The following SYT10 variants were observed in gnomAD, a reference collection of about 807,000 sequenced individuals.
SYT10 encodes synaptotagmin 10.
In SYT10, 31 loss-of-function variants were observed where a neutral mutation model predicts 51.1. That is an observed-to-expected ratio of 0.61 (90% CI 0.46 to 0.82). The LOEUF (loss-of-function observed/expected upper bound fraction) is 0.82, where lower values mean the gene tolerates loss of function less well. Among genes scored for constraint, SYT10 ranks in the 40% least tolerant of loss-of-function variants. The pLI, the probability that SYT10 is intolerant of heterozygous loss-of-function variation, is 0.00. For missense variants in SYT10, 603 were observed against 634.0 expected (o/e 0.95, Z 0.53); for synonymous variants, 233 against 225.9 (o/e 1.03, Z -0.28).
intron 1 of SYT10, among the ~76,000 whole-genome samples, chr12:33,430,168 A>G (rs142957176): frequency 6.6e-6 from 1 of 152,236 alleles, no homozygotes; most frequent in Non-Finnish European, 1.5e-5. Flanking sequence ...ATGCATAAAC[A>G]TTATTCTGCC....
In SYT10 at chr12:33,382,329, G is replaced by A; in HGVS notation, c.1370+20C>T. 6.5e-7 allele frequency: 1 copy of A among 1,532,442 alleles called. No individual in the cohort carries two copies. The highest frequency in any genetic ancestry group is 8.8e-7 in the Non-Finnish European group (1 of 1,141,714). The allele number at this position is 1,532,442 out of a possible 1,614,324, so 94.9% of individuals were successfully genotyped here. A position where few individuals can be genotyped will look rare whatever the true frequency, so the allele number is the denominator to read the frequency against. ...TGACTAGACATGGCTGCTCTTCAGT[G>A]AGAAGAGAGATACACATACCTATCG... On this transcript the variant is annotated intron_variant, in intron 5 of 6. Coordinates refer to ENST00000228567, the MANE Select transcript of SYT10 (RefSeq NM_198992.4).
intron 3 of SYT10, among the ~76,000 whole-genome samples, chr12:33,393,921 T>C (rs1227013455): frequency 2.0e-5 from 3 of 152,246 alleles, no homozygotes; most frequent in Admixed American, 2.0e-4. Context: ...TTTTCTAGAA[T>C]GTTGGCCTTA....
At position 33,391,071 on chromosome 12, in the gene SYT10, G is replaced by T. The variant is rs560580341; in HGVS notation, c.1078-5780C>A. Among the ~76,000 whole-genome samples the T allele has an allele frequency of 1.3e-4, 20 of 152,094 alleles. No homozygotes were observed. In the East Asian group the frequency reaches 2.3e-3, roughly 18 times the overall value. ...CCTGCCTCAGCCTCCTGAGTAGCTG[G>T]GATTACAGGCACATGCCACCAAGCC... On this transcript the variant is annotated intron_variant, in intron 3 of 6. Coordinates refer to ENST00000228567, the MANE Select transcript of SYT10 (RefSeq NM_198992.4).
intron 2 of SYT10, chr12:33,423,950 G>A (rs1429279368): frequency 4.4e-6 from 2 of 455,676 alleles, no homozygotes; most frequent in Non-Finnish European, 8.8e-6. Flanking sequence ...AGGGTGCCTT[G>A]GCATAGTGAC....
chr12:33,431,042 G>T (rs1402037407), intron 1 of SYT10, among the ~76,000 whole-genome samples: 6 of 152,254 alleles, frequency 3.9e-5, no homozygotes, highest in Non-Finnish European at 7.4e-5. Context: ...AAGGTGCCTG[G>T]AATTCTGGTT....
At chr12:33,396,049 AAG>A (rs1866253367) in intron 3 of SYT10, among the ~76,000 whole-genome samples, 1 of 152,170 alleles carries the variant, frequency 6.6e-6, no homozygotes, top group African/African-American at 2.4e-5. Flanking sequence ...AAACTATAAA[AAG>A]AAAGGATTAA....
chr12:33,416,610 ACTC>A (rs1287984420), intron 2 of SYT10, among the ~76,000 whole-genome samples: 2 of 151,888 alleles, frequency 1.3e-5, no homozygotes, highest in African/African-American at 2.4e-5. Flanking sequence ...GGTTCAATGA[ACTC>A]CTCTCTTCCA....
intron 2 of SYT10, among the ~76,000 whole-genome samples, chr12:33,418,832 G>A (rs1411393991): frequency 1.3e-5 from 2 of 152,110 alleles, no homozygotes; most frequent in South Asian, 2.1e-4. Context: ...CTATCCATGT[G>A]CCTTCCTCAA....
At chr12:33,399,485 C>T (rs982747580) in intron 3 of SYT10, among the ~76,000 whole-genome samples, 7 of 152,054 alleles carry the variant, frequency 4.6e-5, no homozygotes, top group Admixed American at 1.3e-4. Context: ...ATTTTATAGC[C>T]GCTTACCTAC....
chr12:33,381,291 T>G (rs1306959690), intron 5 of SYT10, among the ~76,000 whole-genome samples: 1 of 151,828 alleles, frequency 6.6e-6, no homozygotes, highest in Non-Finnish European at 1.5e-5. Flanking sequence ...TTTCAGTGTT[T>G]CCCCCCCTAG....
At chr12:33,399,429 TC>T (rs531146036) in intron 3 of SYT10, among the ~76,000 whole-genome samples, 136 of 152,336 alleles carry the variant, frequency 8.9e-4, no homozygotes, top group African/African-American at 3.2e-3. Flanking sequence ...AGGAAGCTGC[TC>T]TTTAAACTGC....
intron 1 of SYT10, among the ~76,000 whole-genome samples, chr12:33,434,398 C>A (rs770264196): frequency 2.0e-5 from 3 of 152,126 alleles, no homozygotes; most frequent in Non-Finnish European, 2.9e-5. Flanking sequence ...CAGATGTATA[C>A]AATTTAGTTG....
intron 1 of SYT10, among the ~76,000 whole-genome samples, chr12:33,429,481 A>T (rs549419886): frequency 6.6e-6 from 1 of 152,234 alleles, no homozygotes; most frequent in East Asian, 1.9e-4. Flanking sequence ...TTGGAGACCA[A>T]TAAAGTGATA....
At chr12:33,439,107 G>GGCTGGGAGCGGGAGACGGC (rs1866661702) in intron 1 of SYT10, among the ~76,000 whole-genome samples, 1 of 152,264 alleles carries the variant, frequency 6.6e-6, no homozygotes, top group Non-Finnish European at 1.5e-5. Context: ...GGCGCGGCGA[G>GGCTGGGAGCGGGAGACGGC]GCTGGGAGCG....
chr12:33,396,534 T>C (rs922635447), intron 3 of SYT10, among the ~76,000 whole-genome samples: 6 of 152,276 alleles, frequency 3.9e-5, no homozygotes, highest in Admixed American at 2.0e-4. Context: ...GGTAAGAAAC[T>C]GGGAACATAA....
At chr12:33,379,600 C>T (rs1241179959) in intron 6 of SYT10, among the ~76,000 whole-genome samples, 1 of 116,398 alleles carries the variant, frequency 8.6e-6, no homozygotes, top group Non-Finnish European at 1.7e-5. Flanking sequence ...AAATGGCTTA[C>T]TGTCCAAAAG....
chr12:33,429,083 G>C (rs555076764), intron 1 of SYT10, among the ~76,000 whole-genome samples: 2 of 152,250 alleles, frequency 1.3e-5, no homozygotes, highest in South Asian at 4.2e-4. Context: ...CTTCAGAATG[G>C]TGAGAAGGAA....
intron 3 of SYT10, among the ~76,000 whole-genome samples, chr12:33,389,656 C>G (rs1866187429): frequency 6.6e-6 from 1 of 151,860 alleles, no homozygotes; most frequent in Non-Finnish European, 1.5e-5. Flanking sequence ...AAAAACTAAA[C>G]AAATAATTGG....
intron 3 of SYT10, among the ~76,000 whole-genome samples, chr12:33,395,298 A>T (rs1280374550): frequency 2.6e-5 from 4 of 152,234 alleles, no homozygotes; most frequent in Non-Finnish European, 5.9e-5. Flanking sequence ...GGAGGAGAAG[A>T]ATTATTCTGA....
Sources: gnomAD v4.1 joint callset for allele counts (sites outside exome capture counted in the v4.1 genomes callset) on GRCh38, gnomAD v4.1.1 for gene constraint, MANE v1.5 for transcripts, NCBI Gene and HGNC (gene_info 2026-07-23, HGNC 2026-07-21) for gene names.